The following PDE6A variants were observed in gnomAD, a reference collection of about 807,000 sequenced individuals.
The protein encoded by PDE6A is rod cGMP-specific 3',5'-cyclic phosphodiesterase subunit alpha.
PDE6A carries 84 observed loss-of-function variants against 106.3 expected under a neutral mutation model. The observed-to-expected ratio is 0.79, with a 90% CI of 0.66 to 0.95. The LOEUF is 0.95. Ranked by LOEUF, PDE6A falls within the 40% of genes least tolerant of loss-of-function variation. The pLI, the probability that PDE6A is intolerant of heterozygous loss-of-function variation, is 0.00. For synonymous variants in PDE6A, 394 were observed against 386.6 expected, an observed-to-expected ratio of 1.02 and a Z score of -0.23; for missense variants, 1,052 against 1,084.9, an observed-to-expected ratio of 0.97 and a Z score of 0.43.
At chr5:149,930,591 G>A (rs1754003440) in intron 4 of PDE6A, among the ~76,000 whole-genome samples, 2 of 152,202 alleles carry the variant, frequency 1.3e-5, no homozygotes, top group East Asian at 1.9e-4. Context: ...TGAGGGACCC[G>A]ATGTCGGCAT....
intron 13 of PDE6A, among the ~76,000 whole-genome samples, chr5:149,891,297 C>T (rs1752536648): frequency 6.6e-6 from 1 of 152,044 alleles, no homozygotes; most frequent in African/African-American, 2.4e-5. Context: ...TGATGAAACC[C>T]CGTCTCTACA....
At chr5:149,940,473 G>A (rs1407274628) in intron 1 of PDE6A, among the ~76,000 whole-genome samples, 1 of 149,930 alleles carries the variant, frequency 6.7e-6, no homozygotes, top group Non-Finnish European at 1.5e-5. Flanking sequence ...TCTCACTAAG[G>A]AGCCCAAGAC....
intron 17 of PDE6A, among the ~76,000 whole-genome samples, chr5:149,881,909 C>T (rs903487018): frequency 1.6e-4 from 25 of 151,638 alleles, no homozygotes; most frequent in African/African-American, 5.3e-4. Flanking sequence ...AAAAATTAGC[C>T]AGGTATAGTG....
At position 149,940,369 on chromosome 5, in the gene PDE6A, C is replaced by T. The variant is rs146602291; in HGVS notation, c.474+3831G>A. ...GTCTCCTGAGTGGAGAACCATTGCCCGGCCCCTGGATGCCCAAGAGGAGAT... is the reference window on the plus strand; with the variant it reads ...GTCTCCTGAGTGGAGAACCATTGCCTGGCCCCTGGATGCCCAAGAGGAGAT... On this transcript the variant is annotated intron_variant, in intron 1 of 21. Coordinates refer to ENST00000255266, the MANE Select transcript of PDE6A (RefSeq NM_000440.3). Among the ~76,000 whole-genome samples, 309 of 152,268 alleles carry T rather than the reference C, an allele frequency of 2.0e-3. 3 individuals carry two copies. Among genetic ancestry groups the T allele is most frequent in the African/African-American group, 7.1e-3 (297 of 41,552 alleles).
At chr5:149,887,419 T>C (rs992785788) in intron 13 of PDE6A, among the ~76,000 whole-genome samples, 2 of 152,144 alleles carry the variant, frequency 1.3e-5, no homozygotes, top group Non-Finnish European at 2.9e-5. Context: ...ATGGCAGCAC[T>C]TTGGGAGGCC....
chr5:149,882,485 G>A (rs1760965423), intron 17 of PDE6A, among the ~76,000 whole-genome samples: 1 of 151,942 alleles, frequency 6.6e-6, no homozygotes. Context: ...ATTTGGCTTG[G>A]GCCACATATT....
At chr5:149,931,203 A>C (rs367810570) in intron 3 of PDE6A, 35 bp from the exon 4 acceptor site, 1 of 1,610,554 alleles carries the variant, frequency 6.2e-7, no homozygotes, top group Non-Finnish European at 8.5e-7. Context: ...ATAGGTTTTG[A>C]GGTGCAAAGT....
In PDE6A at chr5:149,931,041, A is replaced by C. The variant is rs149751862; in HGVS notation, c.845T>G (p.Met282Arg). The change falls in exon 4 of 22, where the codon ATG becomes AGG. Residue 282 changes from methionine (M) to arginine (R), a missense_variant. Around this residue, in one of 3 missense-constraint regions of PDE6A, gnomAD observed 913 missense variants for 915.2 expected, o/e 1.00. Coordinates refer to ENST00000255266, the MANE Select transcript of PDE6A (RefSeq NM_000440.3). The stretch of plus-strand genomic sequence containing the variant: ...AAGTTTTCTCACCTTCTGCTTGGTC[A>C]TGTCTAAGAGACCCACAGAGTATCT... Reference protein sequence around the residue: ...CDRYSVGLLDMTKQKEFFDVW... With the variant: ...CDRYSVGLLDRTKQKEFFDVW... 1.2e-6 allele frequency: 2 copies of C among 1,614,100 alleles called. No individual in the cohort carries two copies. The highest frequency in any genetic ancestry group is 1.7e-6 in the Non-Finnish European group (2 of 1,179,984).
intron 1 of PDE6A, among the ~76,000 whole-genome samples, chr5:149,935,146 C>A (rs72832104): frequency 1.3e-5 from 2 of 152,224 alleles, no homozygotes; most frequent in South Asian, 2.1e-4. Context: ...CGTTATCTTA[C>A]TTTTATCTTC....
rs1432208284 is a variant in PDE6A, at chr5:149,903,100, G to A, written c.1113+548C>T. The stretch of plus-strand genomic sequence containing the variant: ...CGAGGTTGAGGCTGCAATGAGCTAT[G>A]ATTGCACCACTACACTCCAGCCTGG... On this transcript the variant is annotated intron_variant, in intron 8 of 21. Transcript: ENST00000255266. Among the ~76,000 whole-genome samples, 4 of 126,638 alleles carry A rather than the reference G, an allele frequency of 3.2e-5. No homozygotes were observed. In the East Asian group the frequency reaches 1.0e-3, roughly 32 times the overall value. The allele number at this position is 126,638 out of a possible 152,430, so 83.1% of individuals were successfully genotyped here. A position where few individuals can be genotyped will look rare whatever the true frequency, so the allele number is the denominator to read the frequency against.
At chr5:149,888,805 TG>T (rs1752420956) in intron 13 of PDE6A, among the ~76,000 whole-genome samples, 1 of 151,844 alleles carries the variant, frequency 6.6e-6, no homozygotes, top group Non-Finnish European at 1.5e-5. Flanking sequence ...AGAAAATGGC[TG>T]GGTGCGGTGG....
At chr5:149,918,761 G>T (rs1046248533) in intron 5 of PDE6A, among the ~76,000 whole-genome samples, 1 of 151,768 alleles carries the variant, frequency 6.6e-6, no homozygotes, top group Non-Finnish European at 1.5e-5. Context: ...ACAGGCACGC[G>T]TCACCATGCC....
intron 1 of PDE6A, among the ~76,000 whole-genome samples, chr5:149,942,463 A>T (rs1561793736): frequency 6.6e-6 from 1 of 152,130 alleles, no homozygotes; most frequent in Non-Finnish European, 1.5e-5. Context: ...TGCTGACCAC[A>T]GGTGTGAACT....
chr5:149,880,830 A>G (rs1760895011), intron 17 of PDE6A, among the ~76,000 whole-genome samples: 1 of 152,052 alleles, frequency 6.6e-6, no homozygotes, highest in Non-Finnish European at 1.5e-5. Flanking sequence ...AGGCTGAGAC[A>G]GGCAGATCAC....
intron 8 of PDE6A, 59 bp downstream of exon 8, chr5:149,903,589 T>G: frequency 7.7e-7 from 1 of 1,300,404 alleles, no homozygotes; most frequent in South Asian, 1.2e-5. Context: ...TGTATTCTAA[T>G]GCTCTTTGGG....
chr5:149,937,524 C>T (rs912280204), intron 1 of PDE6A, among the ~76,000 whole-genome samples: 3 of 152,052 alleles, frequency 2.0e-5, no homozygotes, highest in Non-Finnish European at 1.5e-5. Context: ...ACAACAGGGG[C>T]GTACCACCAT....
In PDE6A at chr5:149,886,317, C is replaced by T. The variant is rs1752302161; in HGVS notation, c.1786G>A (p.Ala596Thr). The T allele has an allele frequency of 6.2e-7, 1 of 1,614,208 alleles. No homozygotes were observed. The highest frequency in any genetic ancestry group is 8.5e-7 in the Non-Finnish European group (1 of 1,180,026). The stretch of plus-strand genomic sequence containing the variant: ...CTGTGGTCAATGTCATGGCAGAAAG[C>T]AGCAGTGACCATGGCCAAGGCCTCT... ...DLEALAMVTA[A>T]FCHDIDHRGT... Residue 596 changes from alanine to threonine, a missense_variant, in exon 14 of 22, where the codon GCT (alanine) becomes ACT (threonine). Around this residue, in one of 3 missense-constraint regions of PDE6A, gnomAD observed 913 missense variants for 915.2 expected, o/e 1.00. Transcript: ENST00000255266.
chr5:149,915,445 T>C (rs748018501), intron 5 of PDE6A, among the ~76,000 whole-genome samples: 20 of 152,218 alleles, frequency 1.3e-4, no homozygotes, highest in Non-Finnish European at 2.6e-4. Flanking sequence ...TATACAGTAG[T>C]TGTACATATT....
At chr5:149,872,555 A>G (rs1214446941) in intron 17 of PDE6A, among the ~76,000 whole-genome samples, 1 of 152,070 alleles carries the variant, frequency 6.6e-6, no homozygotes, top group East Asian at 1.9e-4. Context: ...TGTGAGTTTC[A>G]GTGGCACTTC....
Sources: gnomAD v4.1 joint callset for allele counts (sites outside exome capture counted in the v4.1 genomes callset) on GRCh38, gnomAD v4.1.1 for gene constraint, gnomAD v4.1.1 regional missense constraint, MANE v1.5 for transcripts, NCBI Gene and HGNC (gene_info 2026-07-23, HGNC 2026-07-21) for gene names.